SLC25A25: variants seen among roughly 807,000 people sequenced by gnomAD.
SLC25A25 encodes mitochondrial adenyl nucleotide antiporter SLC25A25.
In SLC25A25, 32 loss-of-function variants were observed where a neutral mutation model predicts 57.7. The observed-to-expected ratio is 0.55, with a 90% CI of 0.42 to 0.74. The LOEUF (loss-of-function observed/expected upper bound fraction) is 0.74. Ranked by LOEUF, SLC25A25 falls within the 30% of genes least tolerant of loss-of-function variation. The pLI, the probability that SLC25A25 is intolerant of heterozygous loss-of-function variation, is 0.00. For missense variants in SLC25A25, 556 were observed against 701.3 expected (o/e 0.79, Z 2.34); for synonymous variants, 306 against 291.2 (o/e 1.05, Z -0.52).
intron 1 of SLC25A25, among the ~76,000 whole-genome samples, chr9:128,073,318 G>A (rs1832944615): frequency 6.6e-6 from 1 of 152,112 alleles, no homozygotes. Flanking sequence ...TGCTCCCAAA[G>A]TATAGGTTTC....
chr9:128,106,669 C>A, intron 9 of SLC25A25, 149 bp downstream of exon 9: 1 of 1,075,724 alleles, frequency 9.3e-7, no homozygotes, highest in East Asian at 2.6e-5. Context: ...AGCTTTCCTT[C>A]ACCCTGCCTG....
chr9:128,103,700 A>C lies in SLC25A25; in HGVS notation c.644A>C (p.Asn215Thr). Reference sequence around the variant, plus strand: ...TCACAGATCTTTGATGTGGGTGAGAATCTAACGGTCCCGGATGAGTTCACA... The same window carrying C: ...TCACAGATCTTTGATGTGGGTGAGACTCTAACGGTCCCGGATGAGTTCACA... ...KHSTIFDVGE[N>T]LTVPDEFTVE... Residue 215 changes from asparagine to threonine, a missense_variant, in exon 6 of 11, where the codon AAT becomes ACT. By Grantham distance (65) the Asn-to-Thr change is moderately conservative. Around this residue, in one of 3 missense-constraint regions of SLC25A25, gnomAD observed 14 missense variants for 38.2 expected, o/e 0.37. Transcript: ENST00000373069. This position sits in a 1 kb window ranked among gnomAD's most constrained non-coding sequence, Gnocchi z 6.7. The C allele has an allele frequency of 1.2e-6, 2 of 1,614,174 alleles. No homozygotes were observed. Among genetic ancestry groups the C allele is most frequent in the Non-Finnish European group, 1.7e-6 (2 of 1,180,016 alleles).
rs1380087398 is a variant in SLC25A25 at position 128,096,714 on chromosome 9, C to T, written c.262-4382C>T. Among the ~76,000 whole-genome samples the T allele has an allele frequency of 3.9e-5, 6 of 152,292 alleles. No homozygotes were observed. The East Asian group carries it at 1.2e-3, about 29-fold the overall frequency. Reference sequence around the variant, plus strand: ...ATTTGATCAAGGCAGGAGGTTATTTCCAGACAAGGAGGTCCAAGGGTTTGA... The same window carrying T: ...ATTTGATCAAGGCAGGAGGTTATTTTCAGACAAGGAGGTCCAAGGGTTTGA... On this transcript the variant is annotated intron_variant, in intron 1 of 10. Coordinates refer to ENST00000373069, the MANE Select transcript of SLC25A25 (RefSeq NM_001330988.2).
At chr9:128,084,600 AT>A in intron 1 of SLC25A25, among the ~76,000 whole-genome samples, 1 of 151,976 alleles carries the variant, frequency 6.6e-6, no homozygotes, top group South Asian at 2.1e-4. Flanking sequence ...GGCTGAACCA[AT>A]GTGTACACCT....
At position 128,095,724 on chromosome 9, in the gene SLC25A25, C is replaced by T. The variant is rs1178415836; in HGVS notation, c.262-5372C>T. ...ACTCGGGAGGCTGAGGCAGGAGAAT[C>T]GCTTGAACCCAGGAGGTGGAGGTTG... On this transcript the variant is annotated intron_variant, in intron 1 of 10. Coordinates refer to ENST00000373069, the MANE Select transcript of SLC25A25 (RefSeq NM_001330988.2). The surrounding 1 kb of genome is among the most constrained non-coding windows in gnomAD (Gnocchi z 4.4). Among the ~76,000 whole-genome samples the T allele has an allele frequency of 3.3e-5, 5 of 152,142 alleles. No homozygotes were observed. Among genetic ancestry groups the T allele is most frequent in the African/African-American group, 1.2e-4 (5 of 41,432 alleles).
intron 1 of SLC25A25, among the ~76,000 whole-genome samples, chr9:128,070,084 ATT>A (rs71381724): frequency 0.16 from 990 of 6,322 alleles, 155 homozygotes; most frequent in South Asian, 0.21. Context: ...CACCCAGCTA[ATT>A]TTTTTTTTTT....
rs1278251649 is a variant in SLC25A25 at position 128,105,759 on chromosome 9, A to G, written c.814A>G (p.Ile272Val). The G allele has an allele frequency of 1.9e-6, 3 of 1,613,666 alleles. No homozygotes were observed. The highest frequency in any genetic ancestry group is 1.3e-5 in the African/African-American group (1 of 74,938). Residue 272 changes from isoleucine (I) to valine (V), a missense_variant, in exon 7 of 11, where the codon ATC becomes GTC. Physicochemically the swap from Ile to Val is conservative, Grantham distance 29. Coordinates refer to ENST00000373069, the MANE Select transcript of SLC25A25 (RefSeq NM_001330988.2). ...VHASRSNNMG[I>V]VGGFTQMIRE... ...TGCCTCCCGCAGCAACAACATGGGC[A>G]TCGTTGGTGGCTTCACTCAGATGAT...
rs1833909005 is a variant in SLC25A25 at position 128,103,873 on chromosome 9, G to A, written c.783+34G>A. On this transcript the variant is annotated intron_variant, in intron 6 of 10. Coordinates refer to ENST00000373069, the MANE Select transcript of SLC25A25 (RefSeq NM_001330988.2). The surrounding 1 kb of genome is among the most constrained non-coding windows in gnomAD (Gnocchi z 6.7). Reference sequence around the variant, plus strand: ...GGAAAAGGCCCCAGACCCCTGGGGGGCCAGTTTCCACCTGGGGGATGCTGC... The same window carrying A: ...GGAAAAGGCCCCAGACCCCTGGGGGACCAGTTTCCACCTGGGGGATGCTGC... The A allele has an allele frequency of 6.7e-7, 1 of 1,494,206 alleles. No homozygotes were observed. The highest frequency in any genetic ancestry group is 8.9e-7 in the Non-Finnish European group (1 of 1,122,478). The allele number at this position is 1,494,206 out of a possible 1,614,324, so 92.6% of individuals were successfully genotyped here.
chr9:128,104,163 C>G (rs1419371456), intron 6 of SLC25A25, among the ~76,000 whole-genome samples: 6 of 152,332 alleles, frequency 3.9e-5, no homozygotes, highest in East Asian at 1.9e-4. Flanking sequence ...CTGGGGCCAG[C>G]AGAGCCTCAC....
In SLC25A25 at chr9:128,068,490, C is replaced by G; in HGVS notation, c.171C>G (p.Leu57=). The stretch of plus-strand genomic sequence containing the variant: ...GCCTGTGGAGACTCTTTCAGACGCT[C>G]GACGTCAACCGGGACGGCGGCCTGT... ...RLRLWRLFQT[L]DVNRDGGLCV... is the part of the protein sequence containing the mutation. The change falls in exon 1 of 11, where the codon CTC becomes CTG. Residue 57 remains leucine, a synonymous_variant. Coordinates refer to ENST00000373069, the MANE Select transcript of SLC25A25 (RefSeq NM_001330988.2). The G allele has an allele frequency of 6.6e-7, 1 of 1,513,072 alleles. No homozygotes were observed. The allele number at this position is 1,513,072 out of a possible 1,614,324, so 93.7% of individuals were successfully genotyped here.
chr9:128,105,290 C>T (rs1289193485), intron 6 of SLC25A25, among the ~76,000 whole-genome samples: 1 of 151,254 alleles, frequency 6.6e-6, no homozygotes, highest in East Asian at 1.9e-4. Flanking sequence ...CCTGCCTTAG[C>T]CTCCCAAGTA....
In SLC25A25 at chr9:128,102,424, C is replaced by T; in HGVS notation, c.567C>T (p.His189=). Residue 189 remains histidine, a synonymous_variant, in exon 5 of 11, where the codon CAC becomes CAT. Transcript: ENST00000373069. This position sits in a 1 kb window ranked among gnomAD's most constrained non-coding sequence, Gnocchi z 4.1. The stretch of plus-strand genomic sequence containing the variant: ...ACTGGAACGAGTGGAGAGACTACCA[C>T]CTCCTCCACCCCGTGGAAAACATCC... ...TIDWNEWRDY[H]LLHPVENIPE... is the part of the protein sequence containing the mutation. The T allele has an allele frequency of 6.2e-7, 1 of 1,613,802 alleles. No individual in the cohort carries two copies.
chr9:128,070,249 C>T (rs1832876037), intron 1 of SLC25A25, among the ~76,000 whole-genome samples: 1 of 151,986 alleles, frequency 6.6e-6, no homozygotes, highest in South Asian at 2.1e-4. Context: ...CGCCACCATG[C>T]CCAGCTAATT....
Position 128,085,494 on chromosome 9 carries a change from A to C in SLC25A25, c.262-15602A>C, listed in dbSNP as rs1464966526. ...ATATGCAATATATATATTTAAACACATATAGGCAAGGTATTCAATTGAACA... is the reference window on the plus strand; with the variant it reads ...ATATGCAATATATATATTTAAACACCTATAGGCAAGGTATTCAATTGAACA... On this transcript the variant is annotated intron_variant, in intron 1 of 10. Transcript: ENST00000373069. 2.0e-5 allele frequency among the ~76,000 whole-genome samples: 3 copies of C among 152,186 alleles called. No individual in the cohort carries two copies. In the East Asian group the frequency reaches 5.8e-4, roughly 29 times the overall value.
At chr9:128,106,917 C>T (rs1187384730) in intron 9 of SLC25A25, 112 bp from the exon 10 acceptor site, 1 of 1,348,364 alleles carries the variant, frequency 7.4e-7, no homozygotes, top group Non-Finnish European at 1.0e-6. Context: ...CCCAGCCAGG[C>T]CCCAGGCGCG....
At chr9:128,104,070 T>A (rs1176858009) in intron 6 of SLC25A25, among the ~76,000 whole-genome samples, 1 of 152,082 alleles carries the variant, frequency 6.6e-6, no homozygotes, top group Non-Finnish European at 1.5e-5. Flanking sequence ...TACAGGGGCA[T>A]AATGTGGACA....
Position 128,102,488 on chromosome 9 carries a change from C to T in SLC25A25, c.624+7C>T, listed in dbSNP as rs984584728. On this transcript the variant is annotated splice_region_variant and intron_variant, in intron 5 of 10. Coordinates refer to ENST00000373069, the MANE Select transcript of SLC25A25 (RefSeq NM_001330988.2). The surrounding 1 kb of genome is among the most constrained non-coding windows in gnomAD (Gnocchi z 4.1). Reference sequence around the variant, plus strand: ...CTACTGGAAGCATTCCACGGTGAGCCCCACGTGCCCAGGGCCCTCATCTGC... The same window carrying T: ...CTACTGGAAGCATTCCACGGTGAGCTCCACGTGCCCAGGGCCCTCATCTGC... 3 of 1,609,316 alleles carry T rather than the reference C, an allele frequency of 1.9e-6. No homozygotes were observed. The African/African-American group carries it at 4.0e-5, about 22-fold the overall frequency.
Position 128,103,945 on chromosome 9 carries a change from ACTTT to A in SLC25A25, c.783+107_783+110del. On this transcript the variant is annotated intron_variant, in intron 6 of 10. Transcript: ENST00000373069. This position sits in a 1 kb window ranked among gnomAD's most constrained non-coding sequence, Gnocchi z 6.7. ...TGGCTGGTGCCTGCTTTGGGCCCAA[ACTTT>A]TCTAACCCAATAAATTAGACTAGAA... The A allele has an allele frequency of 8.3e-7, 1 of 1,200,902 alleles. No homozygotes were observed. The highest frequency in any genetic ancestry group is 1.1e-6 in the Non-Finnish European group (1 of 887,666). 74.4% of individuals were successfully genotyped at this position (1,200,902 alleles called of 1,614,324 possible). A position where few individuals can be genotyped will look rare whatever the true frequency, so the allele number is the denominator to read the frequency against.
At chr9:128,090,493 G>A (rs930109469) in intron 1 of SLC25A25, among the ~76,000 whole-genome samples, 1 of 150,562 alleles carries the variant, frequency 6.6e-6, no homozygotes, top group Admixed American at 6.6e-5. Flanking sequence ...CACCACATCC[G>A]GCCTTGTGTT....
Sources: allele counts gnomAD v4.1 joint callset (sites outside exome capture counted in the v4.1 genomes callset), GRCh38; gene constraint gnomAD v4.1.1; regional missense constraint gnomAD v4.1.1; non-coding constraint Gnocchi (gnomAD v3.1); transcripts MANE v1.5; gene names NCBI Gene and HGNC (gene_info 2026-07-23, HGNC 2026-07-21).